The following ASIC4 variants were observed in gnomAD, a reference collection of about 807,000 sequenced individuals.
The protein encoded by ASIC4 is acid-sensing ion channel 4.
In ASIC4, 28 loss-of-function variants were observed where a neutral mutation model predicts 53.4. The ratio of observed to expected loss-of-function variants is 0.52; its 90% CI spans 0.39 to 0.72. ASIC4 has a LOEUF of 0.72. ASIC4 is among the 30% of genes least tolerant of loss of function. ASIC4 has a pLI of 0.00. For missense variants in ASIC4, 649 were observed against 729.7 expected (o/e 0.89, Z 1.27); for synonymous variants, 289 against 301.4 (o/e 0.96, Z 0.43).
Position 219,514,504 on chromosome 2 carries a change from A to G in ASIC4, c.-221A>G. ...ATCGAGGAGAGAGACAAGCGGCAGC[A>G]GAGGCAGCAGCGGCAGAGGCAGCAC... On this transcript the variant is annotated 5_prime_UTR_variant, in exon 1 of 10. Coordinates refer to ENST00000358078, the MANE Select transcript of ASIC4 (RefSeq NM_018674.6). 1.9e-6 allele frequency: 3 copies of G among 1,549,352 alleles called. No homozygotes were observed. The highest frequency in any genetic ancestry group is 2.6e-6 in the Non-Finnish European group (3 of 1,145,828).
In ASIC4 at chr2:219,537,943, C is replaced by A. The variant is rs6436153; in HGVS notation, c.1517C>A (p.Pro506Gln). 0.19 allele frequency: 313,337 copies of A among 1,607,374 alleles called. 31,719 individuals carry two copies. The highest frequency in any genetic ancestry group is 0.22 in the Admixed American group (13,230 of 59,258). ...TTCTTTCTCCTGCAGAGTCCCTGCCCGAGCCGGGGCCGAGTGGAGGGTGGG... is the reference window on the plus strand; with the variant it reads ...TTCTTTCTCCTGCAGAGTCCCTGCCAGAGCCGGGGCCGAGTGGAGGGTGGG... Reference protein sequence around the residue: ...LQELKEQSPCPSRGRVEGGGV... With the variant: ...LQELKEQSPCQSRGRVEGGGV... Residue 506 changes from proline (P) to glutamine (Q), a missense_variant, in exon 10 of 10, where the codon CCG (proline) becomes CAG (glutamine). Pro to Gln is a moderately conservative substitution (Grantham distance 76). Coordinates refer to ENST00000358078, the MANE Select transcript of ASIC4 (RefSeq NM_018674.6). The surrounding 1 kb of genome is among the most constrained non-coding windows in gnomAD (Gnocchi z 4.9).
At chr2:219,519,303 T>C (rs558438439) in intron 1 of ASIC4, among the ~76,000 whole-genome samples, 1 of 152,350 alleles carries the variant, frequency 6.6e-6, no homozygotes, top group South Asian at 2.1e-4. Flanking sequence ...CGTCAGCTGT[T>C]ATAAATGCCG....
rs181382371 is a variant in ASIC4 at position 219,516,884 on chromosome 2, T to C, written c.582+1578T>C. ...GCCTGTTGTCCGGCTGTACACCCCC[T>C]TTCCTAGGGAAAAGCACTGCTCCCC... On this transcript the variant is annotated intron_variant, in intron 1 of 9. Coordinates refer to ENST00000358078, the MANE Select transcript of ASIC4 (RefSeq NM_018674.6). This position sits in a 1 kb window ranked among gnomAD's most constrained non-coding sequence, Gnocchi z 4.9. The C allele has an allele frequency of 6.6e-3, 1,011 of 152,438 alleles. 4 individuals are homozygous for C. The highest frequency in any genetic ancestry group is 7.6e-3 in the African/African-American group (314 of 41,548). The allele number at this position is 152,438 out of a possible 1,614,324, so 9.4% of individuals were successfully genotyped here. A position where few individuals can be genotyped will look rare whatever the true frequency, so the allele number is the denominator to read the frequency against.
intron 1 of ASIC4, among the ~76,000 whole-genome samples, chr2:219,519,417 C>T (rs370961034): frequency 1.3e-5 from 2 of 152,216 alleles, no homozygotes; most frequent in African/African-American, 2.4e-5. Flanking sequence ...ACCTAGTCAT[C>T]GCCCCGCTTT....
chr2:219,527,208 G>GCCTT (rs1400108242), intron 1 of ASIC4, among the ~76,000 whole-genome samples: 2 of 152,178 alleles, frequency 1.3e-5, no homozygotes, highest in African/African-American at 4.8e-5. Flanking sequence ...ACCCCTGCCT[G>GCCTT]CCTGGCCCAG....
At chr2:219,509,947 C>T (rs574202251), upstream of ASIC4, among the ~76,000 whole-genome samples, 5 of 152,108 alleles carry the variant, frequency 3.3e-5, no homozygotes, top group African/African-American at 9.6e-5. This position sits in a 1 kb window ranked among gnomAD's most constrained non-coding sequence, Gnocchi z 5.2. Flanking sequence ...CGCCCGTTCT[C>T]GATCCTCGGT....
rs1694808659 is a variant in ASIC4 at position 219,517,210 on chromosome 2, T to TC, written c.582+1906dup. ...GGGAGGCAGAGGGTTCTGCTTGGTC[T>TC]CCAGGCTAGGAGGCGGTGCCTGGAG... is the stretch of plus-strand genomic sequence containing the variant. On this transcript the variant is annotated intron_variant, in intron 1 of 9. Coordinates refer to ENST00000358078, the MANE Select transcript of ASIC4 (RefSeq NM_018674.6). The surrounding 1 kb of genome is among the most constrained non-coding windows in gnomAD (Gnocchi z 4.2). 1 of 152,374 alleles carries TC rather than the reference T, an allele frequency of 6.6e-6. No homozygotes were observed. 9.4% of individuals were successfully genotyped at this position (152,374 alleles called of 1,614,324 possible). A position where few individuals can be genotyped will look rare whatever the true frequency, so the allele number is the denominator to read the frequency against.
At position 219,516,163 on chromosome 2, in the gene ASIC4, A is replaced by G. The variant is rs1050833215; in HGVS notation, c.582+857A>G. On this transcript the variant is annotated intron_variant, in intron 1 of 9. Coordinates refer to ENST00000358078, the MANE Select transcript of ASIC4 (RefSeq NM_018674.6). The surrounding 1 kb of genome is among the most constrained non-coding windows in gnomAD (Gnocchi z 4.9). ...TGTCCCTGTCACTACACTCACATGC[A>G]CACCTGCACACCCACACCCAGAGAG... is the stretch of plus-strand genomic sequence containing the variant. Among the ~76,000 whole-genome samples, 2 of 151,992 alleles carry G rather than the reference A, an allele frequency of 1.3e-5. No homozygotes were observed. The highest frequency in any genetic ancestry group is 2.4e-5 in the African/African-American group (1 of 41,380).
At chr2:219,535,702 A>G (rs1285528607) in intron 6 of ASIC4, among the ~76,000 whole-genome samples, 3 of 151,258 alleles carry the variant, frequency 2.0e-5, no homozygotes, top group Admixed American at 2.0e-4. Context: ...TGGTGGAGGC[A>G]GGGAGTGGGC....
In ASIC4 at chr2:219,532,113, C is replaced by T; in HGVS notation, c.840C>T (p.Ser280=). ...GVSPGFQTFV[S]CQEQRLTYLP... ...CCCCAGGCTTCCAGACCTTTGTGTC[C>T]TGCCAGGAACAGCGGGTGAGCATCT... Residue 280 remains serine, a synonymous_variant, in exon 3 of 10, where the codon TCC becomes TCT. Transcript: ENST00000358078. 1.2e-6 allele frequency: 2 copies of T among 1,614,204 alleles called. No individual in the cohort carries two copies. The highest frequency in any genetic ancestry group is 1.7e-6 in the Non-Finnish European group (2 of 1,180,024).
the ASIC4 span, chr2:219,507,120 C>T: frequency 6.3e-6 from 2 of 316,214 alleles, no homozygotes; most frequent in South Asian, 8.4e-5. Context: ...ATCTGGAGCC[C>T]TGGTAAATCT....
At chr2:219,521,983 G>A (rs1241427092) in intron 1 of ASIC4, among the ~76,000 whole-genome samples, 16 of 152,232 alleles carry the variant, frequency 1.1e-4, no homozygotes, top group African/African-American at 3.6e-4. Flanking sequence ...GATCCTGAGA[G>A]TGGAGATGGG....
Position 219,514,584 on chromosome 2 carries a change from C to G in ASIC4, c.-141C>G, listed in dbSNP as rs751182298. 2 of 1,586,618 alleles carry G rather than the reference C, an allele frequency of 1.3e-6. No individual in the cohort carries two copies. Among genetic ancestry groups the G allele is most frequent in the Non-Finnish European group, 1.7e-6 (2 of 1,166,562 alleles). On this transcript the variant is annotated 5_prime_UTR_variant, in exon 1 of 10. Coordinates refer to ENST00000358078, the MANE Select transcript of ASIC4 (RefSeq NM_018674.6). ...TGACTCCCCCACCTCGGGCCCCCAC[C>G]CTGTCCCTGTCCTCTTCCCGCTTGC...
chr2:219,508,382 G>C, the ASIC4 span, among the ~76,000 whole-genome samples: 91 of 152,260 alleles, frequency 6.0e-4, no homozygotes, highest in Non-Finnish European at 1.1e-3. Context: ...CCTGGCCCCC[G>C]GGATCCCCCT....
chr2:219,511,394 C>A (rs911287399), upstream of ASIC4, among the ~76,000 whole-genome samples: 1 of 142,270 alleles, frequency 7.0e-6, no homozygotes, highest in Non-Finnish European at 1.6e-5. This position sits in a 1 kb window ranked among gnomAD's most constrained non-coding sequence, Gnocchi z 5.3. Context: ...CATGCACTGC[C>A]CCCCCCCCAC....
intron 1 of ASIC4, among the ~76,000 whole-genome samples, chr2:219,531,019 AG>A (rs946854195): frequency 6.6e-6 from 1 of 152,128 alleles, no homozygotes; most frequent in Non-Finnish European, 1.5e-5. Flanking sequence ...TTGCTGGAGA[AG>A]GAAGGAAAGT....
chr2:219,524,575 T>C (rs1356584332), intron 1 of ASIC4, among the ~76,000 whole-genome samples: 3 of 152,286 alleles, frequency 2.0e-5, no homozygotes, highest in Non-Finnish European at 2.9e-5. Flanking sequence ...ATGATTTACG[T>C]ACATTCTGTC....
chr2:219,508,264 C>A, the ASIC4 span, among the ~76,000 whole-genome samples: 2 of 152,192 alleles, frequency 1.3e-5, no homozygotes, highest in African/African-American at 4.8e-5. Context: ...AGTCCTGACC[C>A]TTCTGTTCCG....
intron 1 of ASIC4, among the ~76,000 whole-genome samples, chr2:219,523,137 C>T (rs1323740920): frequency 6.6e-6 from 1 of 152,234 alleles, no homozygotes; most frequent in Non-Finnish European, 1.5e-5. Context: ...TGGGAGTGTG[C>T]TCCACTGTAT....
Sources: gnomAD v4.1 joint callset for allele counts (sites outside exome capture counted in the v4.1 genomes callset) on GRCh38, gnomAD v4.1.1 for gene constraint, Gnocchi (gnomAD v3.1) non-coding constraint, MANE v1.5 for transcripts, NCBI Gene and HGNC (gene_info 2026-07-23, HGNC 2026-07-21) for gene names.